Variants in SPART observed in about 807,000 individuals in gnomAD.
SPART encodes the protein spartin.
SPART carries 35 observed loss-of-function variants against 58.7 expected under a neutral mutation model. The observed-to-expected ratio is 0.60, with a 90% CI of 0.46 to 0.79. The LOEUF is 0.79. Among genes scored for constraint, SPART ranks in the 30% least tolerant of loss-of-function variants. The pLI, the probability that SPART is intolerant of heterozygous loss-of-function variation, is 0.00. For missense variants in SPART, 730 were observed against 786.1 expected (o/e 0.93, Z 0.85); for synonymous variants, 284 against 280.7 (o/e 1.01, Z -0.12).
At chr13:36,309,079 C>T (rs963861958) in intron 8 of SPART, among the ~76,000 whole-genome samples, 2 of 151,992 alleles carry the variant, frequency 1.3e-5, no homozygotes, top group African/African-American at 2.4e-5. Context: ...CCTGTCTGTA[C>T]TGAACATACA....
At chr13:36,352,049 C>T (rs1358284070) in intron 1 of SPART, among the ~76,000 whole-genome samples, 5 of 152,070 alleles carry the variant, frequency 3.3e-5, no homozygotes, top group African/African-American at 1.2e-4. Flanking sequence ...TGGGATGACT[C>T]GATGTAAACT....
Position 36,314,341 on chromosome 13 carries a change from G to A in SPART, c.1369C>T (p.Arg457Ter), listed in dbSNP as rs200373703. Residue 457 changes from arginine (R) to a stop codon, truncating the protein, a stop_gained, in exon 6 of 9, where the codon CGA becomes TGA. Coordinates refer to ENST00000438666, the MANE Select transcript of SPART (RefSeq NM_015087.5). LOFTEE classifies it high-confidence loss of function. ...TTTTCTTCTGGTTGAATCCGCTCTCGGAGTTTAGAAGCACCTTTCTGGATT... is the reference window on the plus strand; with the variant it reads ...TTTTCTTCTGGTTGAATCCGCTCTCAGAGTTTAGAAGCACCTTTCTGGATT... ...KAIQKGASKL[R>*]ERIQPEEKPV... 1.2e-5 allele frequency: 19 copies of A among 1,613,942 alleles called. No individual in the cohort carries two copies. The highest frequency in any genetic ancestry group is 2.2e-5 in the East Asian group (1 of 44,864).
At position 36,304,555 on chromosome 13, in the gene SPART, A is replaced by G; in HGVS notation, c.1811T>C (p.Ile604Thr). ...AVNVGVTAYN[I>T]NNIGIKAMVK... is the part of the protein sequence containing the mutation. ...CATTGCTTTGATACCAATGTTGTTAATATTGTAGGCAGTTACGCCAACATT... is the reference window on the plus strand; with the variant it reads ...CATTGCTTTGATACCAATGTTGTTAGTATTGTAGGCAGTTACGCCAACATT... Residue 604 changes from isoleucine to threonine, a missense_variant, in exon 9 of 9, where the codon ATT becomes ACT. Ile to Thr is a moderately conservative substitution (Grantham distance 89). Transcript: ENST00000438666. 1 of 1,614,140 alleles carries G rather than the reference A, an allele frequency of 6.2e-7. No individual in the cohort carries two copies.
At chr13:36,316,965 G>A (rs373209664) in intron 5 of SPART, among the ~76,000 whole-genome samples, 101 of 151,990 alleles carry the variant, frequency 6.6e-4, no homozygotes, top group African/African-American at 2.4e-3. Context: ...ACTATCCCTC[G>A]ACCTCTTTCT....
At chr13:36,323,464 C>CT (rs139858423) in intron 5 of SPART, among the ~76,000 whole-genome samples, 21,779 of 152,136 alleles carry the variant, frequency 0.14, 1,610 homozygotes, top group Middle Eastern at 0.18. Flanking sequence ...GGTTGTTTTA[C>CT]TTTTTTTACC....
Position 36,335,695 on chromosome 13 carries a change from A to G in SPART, c.136T>C (p.Tyr46His), listed in dbSNP as rs1382797092. ...AGCAGGTGTCCTATTCCTTGCTTAT[A>G]GTAGTTCTTTGCTTCTTCCTTCTGA... Reference protein sequence around the residue: ...LGQKEEAKNYYKQGIGHLLRG... With the variant: ...LGQKEEAKNYHKQGIGHLLRG... The change falls in exon 2 of 9, where the codon TAT (tyrosine) becomes CAT (histidine). Residue 46 changes from tyrosine (Y) to histidine (H), a missense_variant. By Grantham distance (83) the Tyr-to-His change is moderately conservative. Transcript: ENST00000438666. 1 of 1,614,142 alleles carries G rather than the reference A, an allele frequency of 6.2e-7. No individual in the cohort carries two copies. The highest frequency in any genetic ancestry group is 1.1e-5 in the South Asian group (1 of 91,086).
Position 36,335,320 on chromosome 13 carries a change from G to A in SPART, c.511C>T (p.Pro171Ser), listed in dbSNP as rs141913656. ...LPSQSCPAEA[P>S]PAYTPQAAEG... The stretch of plus-strand genomic sequence containing the variant: ...GCAGCTTGAGGAGTATAAGCAGGAG[G>A]AGCTTCTGCTGGACAACTTTGTGAT... The change falls in exon 2 of 9, where the codon CCT becomes TCT. Residue 171 changes from proline (P) to serine (S), a missense_variant. Pro to Ser is a moderately conservative substitution (Grantham distance 74). Coordinates refer to ENST00000438666, the MANE Select transcript of SPART (RefSeq NM_015087.5). 8 of 1,613,882 alleles carry A rather than the reference G, an allele frequency of 5.0e-6. No homozygotes were observed. In the African/African-American group the frequency reaches 1.1e-4, roughly 22 times the overall value.
chr13:36,304,929 T>C (rs1354154257), intron 8 of SPART, among the ~76,000 whole-genome samples: 1 of 152,186 alleles, frequency 6.6e-6, no homozygotes, highest in African/African-American at 2.4e-5. Context: ...ATACAGGTCA[T>C]TAATCAGTCA....
At chr13:36,358,920 A>T (rs1378067515) in intron 1 of SPART, among the ~76,000 whole-genome samples, 1 of 152,176 alleles carries the variant, frequency 6.6e-6, no homozygotes, top group Admixed American at 6.5e-5. Flanking sequence ...TAAATTGGGG[A>T]TAAGACTAAT....
rs770040953 is a variant in SPART, at chr13:36,312,349, C to T, written c.1612G>A (p.Ala538Thr). Residue 538 changes from alanine (A) to threonine (T), a missense_variant, in exon 7 of 9, where the codon GCT becomes ACT. Physicochemically the swap from Ala to Thr is moderately conservative, Grantham distance 58. Transcript: ENST00000438666. ...ACACTACTTGCTGCTACAACCATAG[C>T]ACCATCCAGAGGAGATTTCCCATCT... ...DKDGKSPLDG[A>T]MVVAASSVQG... The T allele has an allele frequency of 6.2e-7, 1 of 1,614,128 alleles. No homozygotes were observed. The highest frequency in any genetic ancestry group is 8.5e-7 in the Non-Finnish European group (1 of 1,180,026).
intron 8 of SPART, among the ~76,000 whole-genome samples, chr13:36,306,887 G>A (rs929240564): frequency 1.3e-5 from 2 of 152,162 alleles, no homozygotes; most frequent in African/African-American, 4.8e-5. Flanking sequence ...CGATGTATAT[G>A]TGTGAAAGCA....
At chr13:36,340,899 T>A (rs529943664) in intron 1 of SPART, among the ~76,000 whole-genome samples, 30 of 152,320 alleles carry the variant, frequency 2.0e-4, no homozygotes, top group Admixed American at 9.8e-4. Context: ...ATGTACTAAA[T>A]GTTTCAGTTT....
intron 1 of SPART, among the ~76,000 whole-genome samples, chr13:36,358,026 A>G (rs1885687732): frequency 6.6e-6 from 1 of 152,172 alleles, no homozygotes. Flanking sequence ...TGCCCAAATG[A>G]ACTGATATTA....
At chr13:36,317,739 G>T (rs1881888076) in intron 5 of SPART, among the ~76,000 whole-genome samples, 1 of 151,550 alleles carries the variant, frequency 6.6e-6, no homozygotes, top group African/African-American at 2.4e-5. Context: ...TACTCCCTTG[G>T]CCTGTGTTCT....
intron 1 of SPART, among the ~76,000 whole-genome samples, chr13:36,337,857 G>T (rs1884171183): frequency 6.6e-6 from 1 of 152,148 alleles, no homozygotes; most frequent in Admixed American, 6.6e-5. Context: ...TCCTTCAAGT[G>T]AAAAGGTTAA....
At chr13:36,347,599 C>T (rs1253987752), upstream of SPART, among the ~76,000 whole-genome samples, 1 of 152,098 alleles carries the variant, frequency 6.6e-6, no homozygotes, top group African/African-American at 2.4e-5. Flanking sequence ...AGGTAGCAGT[C>T]AGTCATCCCA....
intron 5 of SPART, among the ~76,000 whole-genome samples, chr13:36,315,315 G>C (rs749114014): frequency 8.5e-5 from 13 of 152,176 alleles, no homozygotes; most frequent in Non-Finnish European, 1.6e-4. Flanking sequence ...TAAGATGGAA[G>C]AAGTATTACC....
chr13:36,308,563 A>C (rs1456516082), intron 8 of SPART: 1 of 152,172 alleles, frequency 6.6e-6, no homozygotes, highest in Non-Finnish European at 1.5e-5. Flanking sequence ...AGAAGTACAA[A>C]ATCTACATTA....
rs1020368482 is a variant in SPART, at chr13:36,363,518, A to G, written c.-3+6571T>C. Among the ~76,000 whole-genome samples the G allele has an allele frequency of 5.3e-5, 8 of 151,862 alleles. No individual in the cohort carries two copies. The South Asian group carries it at 1.2e-3, about 24-fold the overall frequency. ...GCCTTTGCTTGATCCTTTTTCCCCT[A>G]TGAAGATTTGGGGTTTTTATTGACC... On this transcript the variant is annotated intron_variant, in intron 1 of 8. Coordinates refer to the SPART transcript ENST00000355182.
Sources: allele counts gnomAD v4.1 joint callset (sites outside exome capture counted in the v4.1 genomes callset), GRCh38; gene constraint gnomAD v4.1.1; transcripts MANE v1.5; gene names NCBI Gene and HGNC (gene_info 2026-07-23, HGNC 2026-07-21).